Variants in FSTL4 observed in about 807,000 individuals in gnomAD.
FSTL4 encodes follistatin-related protein 4.
In FSTL4, 28 loss-of-function variants were observed where a neutral mutation model predicts 78.2. The observed-to-expected ratio is 0.36, with a 90% CI of 0.27 to 0.49. FSTL4 has a LOEUF of 0.49. FSTL4 is among the 20% of genes least tolerant of loss of function. FSTL4 has a pLI of 0.98. For missense variants in FSTL4, 922 were observed against 1,084.9 expected, an observed-to-expected ratio of 0.85 and a Z score of 2.11; for synonymous variants, 422 against 440.5, an observed-to-expected ratio of 0.96 and a Z score of 0.53.
the FSTL4 span, among the ~76,000 whole-genome samples, chr5:133,625,217 T>C: frequency 2.0e-5 from 3 of 151,710 alleles, no homozygotes; most frequent in East Asian, 1.9e-4. Flanking sequence ...CTCAAACATT[T>C]TGTAGAATCC....
intron 6 of FSTL4, chr5:133,256,562 C>T (rs1411438228): frequency 6.6e-6 from 1 of 152,262 alleles, no homozygotes; most frequent in African/African-American, 2.4e-5. Flanking sequence ...TGCTTTTTGT[C>T]TCCTCTGTTC....
chr5:133,400,708 A>G, intron 4 of FSTL4, 30 bp downstream of exon 4: 2 of 1,602,608 alleles, frequency 1.2e-6, no homozygotes, highest in Non-Finnish European at 1.7e-6. Context: ...CACAAAACCC[A>G]AAACCACAGG....
At chr5:133,282,039 C>G (rs966912695) in intron 6 of FSTL4, among the ~76,000 whole-genome samples, 2 of 152,154 alleles carry the variant, frequency 1.3e-5, no homozygotes, top group Non-Finnish European at 1.5e-5. Context: ...TCATGATGTG[C>G]CAAGCCCCAT....
At chr5:133,212,460 C>T (rs1750763724) in intron 13 of FSTL4, among the ~76,000 whole-genome samples, 1 of 152,194 alleles carries the variant, frequency 6.6e-6, no homozygotes, top group Non-Finnish European at 1.5e-5. Context: ...GCAGGCTGAG[C>T]CCTACAGAAG....
intron 3 of FSTL4, among the ~76,000 whole-genome samples, chr5:133,528,981 C>A (rs1346693875): frequency 6.6e-6 from 1 of 152,192 alleles, no homozygotes; most frequent in Non-Finnish European, 1.5e-5. Flanking sequence ...AGGTCTGGCC[C>A]ATGAGAACGT....
intron 6 of FSTL4, among the ~76,000 whole-genome samples, chr5:133,298,474 C>T (rs546805885): frequency 2.6e-5 from 4 of 152,234 alleles, no homozygotes; most frequent in African/African-American, 9.6e-5. Flanking sequence ...TGTCACATCA[C>T]CATTCTTTTC....
At chr5:133,285,511 T>C (rs1433634171) in intron 6 of FSTL4, among the ~76,000 whole-genome samples, 2 of 152,194 alleles carry the variant, frequency 1.3e-5, no homozygotes, top group East Asian at 3.8e-4. Flanking sequence ...CCCTCAGAAC[T>C]GCCATGGAGT....
chr5:133,351,508 T>C (rs1363666843), intron 4 of FSTL4, among the ~76,000 whole-genome samples: 1 of 152,212 alleles, frequency 6.6e-6, no homozygotes, highest in East Asian at 1.9e-4. Context: ...TGCTGTTTTA[T>C]GTTTTCCTTT....
In FSTL4 at chr5:133,199,418, C is replaced by T. The variant is rs778735836; in HGVS notation, c.2206G>A (p.Asp736Asn). Residue 736 changes from aspartate to asparagine, a missense_variant, in exon 16 of 16, where the codon GAC becomes AAC. Transcript: ENST00000265342. The surrounding 1 kb of genome is among the most constrained non-coding windows in gnomAD (Gnocchi z 4.4). ...GTGAAGGAGCGCTGGAAGGCCAAGT[C>T]TGAGATGCCCGAGTTTATTTGCAGG... ...YDLQINSGISDLAFQRSFTES... is the reference protein window; with the variant it reads ...YDLQINSGISNLAFQRSFTES... 4.3e-6 allele frequency: 7 copies of T among 1,614,238 alleles called. No individual in the cohort carries two copies. The highest frequency in any genetic ancestry group is 5.1e-6 in the Non-Finnish European group (6 of 1,180,044).
At chr5:133,832,094 A>G in the FSTL4 span, among the ~76,000 whole-genome samples, 1 of 152,158 alleles carries the variant, frequency 6.6e-6, no homozygotes. Flanking sequence ...GCACTTGCGG[A>G]CTTAACTGGG....
the FSTL4 span, among the ~76,000 whole-genome samples, chr5:133,810,567 TCTCTCTCCTGCGAGA>T: frequency 3.3e-5 from 5 of 152,192 alleles, no homozygotes; most frequent in East Asian, 5.8e-4. Flanking sequence ...GAAGAATATC[TCTCTCTCCTGCGAGA>T]GAGAAAGGGG....
At chr5:133,663,624 T>C in the FSTL4 span, among the ~76,000 whole-genome samples, 1 of 152,222 alleles carries the variant, frequency 6.6e-6, no homozygotes, top group African/African-American at 2.4e-5. Flanking sequence ...ATGACATGCC[T>C]TTCTGCTAGA....
At chr5:133,314,782 A>G (rs971112111) in intron 5 of FSTL4, among the ~76,000 whole-genome samples, 4 of 152,096 alleles carry the variant, frequency 2.6e-5, no homozygotes, top group African/African-American at 9.7e-5. Flanking sequence ...CCCTCCTTAC[A>G]GCAGAGGATG....
chr5:133,345,332 AG>A (rs1295756819), intron 4 of FSTL4, among the ~76,000 whole-genome samples: 1 of 152,206 alleles, frequency 6.6e-6, no homozygotes, highest in Non-Finnish European at 1.5e-5. Flanking sequence ...GCCCTTTGTC[AG>A]ATGGGTAGAT....
At chr5:133,816,973 C>T in the FSTL4 span, among the ~76,000 whole-genome samples, 1 of 152,150 alleles carries the variant, frequency 6.6e-6, no homozygotes, top group Non-Finnish European at 1.5e-5. Context: ...CCCATTCAAG[C>T]CTCCCATGGC....
intron 4 of FSTL4, among the ~76,000 whole-genome samples, chr5:133,320,520 GA>G (rs1279043223): frequency 1.3e-5 from 2 of 152,116 alleles, no homozygotes; most frequent in African/African-American, 4.8e-5. Context: ...TAAAGAAAAA[GA>G]AAATAAATCA....
chr5:133,210,920 TC>T (rs1750688882), intron 13 of FSTL4: 5 of 152,280 alleles, frequency 3.3e-5, no homozygotes. Flanking sequence ...GCTCCAGGGT[TC>T]CTTCGTTCTT....
intron 4 of FSTL4, among the ~76,000 whole-genome samples, chr5:133,328,594 C>A (rs1008478039): frequency 2.0e-5 from 3 of 152,174 alleles, no homozygotes; most frequent in African/African-American, 2.4e-5. Context: ...AAAACCTCCA[C>A]CAGCTAGATT....
intron 3 of FSTL4, among the ~76,000 whole-genome samples, chr5:133,496,333 A>G (rs1758366684): frequency 6.6e-6 from 1 of 152,212 alleles, no homozygotes; most frequent in African/African-American, 2.4e-5. Context: ...GGAAGAGAAG[A>G]AACTGCCCAA....
Sources: gnomAD v4.1 joint callset for allele counts (sites outside exome capture counted in the v4.1 genomes callset) on GRCh38, gnomAD v4.1.1 for gene constraint, Gnocchi (gnomAD v3.1) non-coding constraint, MANE v1.5 for transcripts, NCBI Gene and HGNC (gene_info 2026-07-23, HGNC 2026-07-21) for gene names.